TXNRD2: variants seen among roughly 807,000 people sequenced by gnomAD.
The protein encoded by TXNRD2 is thioredoxin reductase 2.
In TXNRD2, 67 loss-of-function variants were observed where a neutral mutation model predicts 70.8. That is an observed-to-expected ratio of 0.95 (90% CI 0.78 to 1.16). The LOEUF (loss-of-function observed/expected upper bound fraction) is 1.16. Ranked by LOEUF, TXNRD2 falls within the 50% of genes most tolerant of loss-of-function variation. The probability of loss-of-function intolerance (pLI) is 0.00; values close to 1 mark genes in which losing one functional copy is unlikely to be tolerated. For synonymous variants in TXNRD2, 301 were observed against 295.8 expected, an observed-to-expected ratio of 1.02 and a Z score of -0.18; for missense variants, 644 against 719.9, an observed-to-expected ratio of 0.89 and a Z score of 1.21.
At chr22:19,935,369 C>T (rs1941503872) in intron 1 of TXNRD2, among the ~76,000 whole-genome samples, 1 of 152,138 alleles carries the variant, frequency 6.6e-6, no homozygotes, top group Non-Finnish European at 1.5e-5. Flanking sequence ...AATTTGTGGT[C>T]AGACTGGTTC....
chr22:19,896,658 G>T (rs947553035), intron 10 of TXNRD2, among the ~76,000 whole-genome samples: 1 of 152,254 alleles, frequency 6.6e-6, no homozygotes, highest in Non-Finnish European at 1.5e-5. Context: ...ACAGATGGGG[G>T]CCCTGTTCCC....
chr22:19,886,081 C>T (rs1051285057), intron 11 of TXNRD2, among the ~76,000 whole-genome samples: 33 of 152,228 alleles, frequency 2.2e-4, no homozygotes, highest in African/African-American at 6.8e-4. Context: ...GCGGCACAGA[C>T]ACGCCTGGCC....
At chr22:19,897,877 G>A (rs1939581946) in intron 10 of TXNRD2, among the ~76,000 whole-genome samples, 162 bp downstream of exon 10, 1 of 152,228 alleles carries the variant, frequency 6.6e-6, no homozygotes, top group Non-Finnish European at 1.5e-5. Flanking sequence ...CCGGCCGAGT[G>A]TCTGCATATT....
intron 8 of TXNRD2, among the ~76,000 whole-genome samples, chr22:19,907,352 C>T (rs1471946787): frequency 4.7e-5 from 1 of 21,112 alleles, no homozygotes; most frequent in East Asian, 1.1e-3. Context: ...TAGCAGTGAC[C>T]GCTCTCAGGA....
intron 11 of TXNRD2, 68 bp downstream of exon 11, chr22:19,895,339 T>C (rs947889391): frequency 6.2e-7 from 1 of 1,608,342 alleles, no homozygotes; most frequent in Non-Finnish European, 8.5e-7. Context: ...TGACAGGAAG[T>C]GGGGCAAAGA....
chr22:19,907,776 G>A (rs1601431719), intron 8 of TXNRD2, among the ~76,000 whole-genome samples: 1 of 40,816 alleles, frequency 2.5e-5, no homozygotes, highest in African/African-American at 8.9e-5. Context: ...GGCGCCGTGG[G>A]TAGCAGTGAC....
intron 8 of TXNRD2, among the ~76,000 whole-genome samples, chr22:19,901,886 C>T (rs1440785473): frequency 2.0e-5 from 3 of 152,160 alleles, no homozygotes; most frequent in Non-Finnish European, 4.4e-5. Flanking sequence ...GCTGGAACCA[C>T]TCAACTTACC....
intron 8 of TXNRD2, among the ~76,000 whole-genome samples, chr22:19,908,061 C>T (rs372849241): frequency 6.4e-5 from 7 of 108,968 alleles, no homozygotes; most frequent in African/African-American, 1.8e-4. Flanking sequence ...GTAGCAGTGA[C>T]CGCTCTCAGG....
At chr22:19,877,385 C>G in intron 16 of TXNRD2, 151 bp from the exon 17 acceptor site, 1 of 692,400 alleles carries the variant, frequency 1.4e-6, no homozygotes, top group Admixed American at 2.5e-5. Flanking sequence ...CTGCCCACAC[C>G]CGTGGGTGCC....
chr22:19,907,945 A>T (rs71312722), intron 8 of TXNRD2, among the ~76,000 whole-genome samples: 2 of 39,978 alleles, frequency 5.0e-5, no homozygotes, highest in African/African-American at 1.2e-4. Flanking sequence ...TAGCAGTGAC[A>T]GCTCTCAGGA....
At chr22:19,895,340 G>C in intron 11 of TXNRD2, 67 bp downstream of exon 11, 1 of 1,608,340 alleles carries the variant, frequency 6.2e-7, no homozygotes, top group Non-Finnish European at 8.5e-7. Flanking sequence ...GACAGGAAGT[G>C]GGGCAAAGAT....
intron 11 of TXNRD2, among the ~76,000 whole-genome samples, chr22:19,891,020 G>C (rs73877390): frequency 0.03 from 4,593 of 152,344 alleles, 96 homozygotes; most frequent in South Asian, 0.091. Context: ...GGCAGGCTGT[G>C]GGGGTGGCCT....
Position 19,875,619 on chromosome 22 carries a change from T to C in TXNRD2, c.*254A>G, listed in dbSNP as rs1044732. On this transcript the variant is annotated 3_prime_UTR_variant, in exon 18 of 18. Coordinates refer to ENST00000400521, the MANE Select transcript of TXNRD2 (RefSeq NM_006440.5). ...GGTTTCCACCCAGGTCGTCATCATC[T>C]GGCACCAGGAGCCTGGGGGGGGGTG... 0.12 allele frequency: 17,368 copies of C among 145,368 alleles called. 1,186 individuals are homozygous for C. Among genetic ancestry groups the C allele is most frequent in the Middle Eastern group, 0.16 (47 of 292 alleles). 9.0% of individuals were successfully genotyped at this position (145,368 alleles called of 1,614,324 possible).
chr22:19,925,498 A>AT (rs1485070007), intron 2 of TXNRD2, among the ~76,000 whole-genome samples: 1 of 151,846 alleles, frequency 6.6e-6, no homozygotes, highest in East Asian at 1.9e-4. Flanking sequence ...AGTATGTGAG[A>AT]TTTTCTCACA....
In TXNRD2 at chr22:19,925,216, A is replaced by G. The variant is rs140719874; in HGVS notation, c.173-5617T>C. Among the ~76,000 whole-genome samples, 794 of 151,964 alleles carry G rather than the reference A, an allele frequency of 5.2e-3. 20 individuals are homozygous for G. The highest frequency in any genetic ancestry group is 0.018 in the African/African-American group (724 of 41,342). On this transcript the variant is annotated intron_variant, in intron 2 of 17. Transcript: ENST00000400521. Reference sequence around the variant, plus strand: ...GGAGAATGGCGCAAACCCGGGAGGCAGAGCTTGCAGTGAGCTGAGATCGCA... The same window carrying G: ...GGAGAATGGCGCAAACCCGGGAGGCGGAGCTTGCAGTGAGCTGAGATCGCA...
rs1569121516 is a variant in TXNRD2 at position 19,941,776 on chromosome 22, C to T, written c.28G>A (p.Gly10Arg). MAAMAVALR[G>R]LGGRFRWRTQ... Reference sequence around the variant, plus strand: ...CGCCACCGGAAGCGCCCTCCTAATCCCCGCAGCGCCACCGCCATTGCCGCC... The same window carrying T: ...CGCCACCGGAAGCGCCCTCCTAATCTCCGCAGCGCCACCGCCATTGCCGCC... The change falls in exon 1 of 18, where the codon GGA becomes AGA. Residue 10 changes from glycine to arginine, a missense_variant. By Grantham distance (125) the Gly-to-Arg change is moderately radical. This residue lies in a region of TXNRD2 where 71 missense variants were observed against 53.6 expected (regional missense o/e 1.33). Transcript: ENST00000400521. 2 of 1,526,218 alleles carry T rather than the reference C, an allele frequency of 1.3e-6. No homozygotes were observed. Among genetic ancestry groups the T allele is most frequent in the Non-Finnish European group, 1.7e-6 (2 of 1,146,744 alleles). The allele number at this position is 1,526,218 out of a possible 1,614,324, so 94.5% of individuals were successfully genotyped here. A position where few individuals can be genotyped will look rare whatever the true frequency, so the allele number is the denominator to read the frequency against.
chr22:19,885,784 C>T (rs1939002199), intron 11 of TXNRD2, among the ~76,000 whole-genome samples: 1 of 152,230 alleles, frequency 6.6e-6, no homozygotes, highest in African/African-American at 2.4e-5. Context: ...CCTGGGAAGC[C>T]AAGAGCACTC....
At chr22:19,919,740 G>A (rs1264203631) in intron 2 of TXNRD2, 141 bp from the exon 3 acceptor site, 8 of 804,978 alleles carry the variant, frequency 9.9e-6, no homozygotes, top group African/African-American at 3.3e-5. Context: ...GCTGAGCTGC[G>A]CAATGCTAGG....
intron 5 of TXNRD2, 141 bp from the exon 6 acceptor site, chr22:19,915,984 G>A: frequency 1.4e-6 from 1 of 737,176 alleles, no homozygotes; most frequent in Non-Finnish European, 2.4e-6. Flanking sequence ...CAAGAGGTAA[G>A]CGGCAACCAT....
Sources: allele counts gnomAD v4.1 joint callset (sites outside exome capture counted in the v4.1 genomes callset), GRCh38; gene constraint gnomAD v4.1.1; regional missense constraint gnomAD v4.1.1; transcripts MANE v1.5; gene names NCBI Gene and HGNC (gene_info 2026-07-23, HGNC 2026-07-21).